ZDHHC21: variants seen among roughly 807,000 people sequenced by gnomAD.
The protein encoded by ZDHHC21 is palmitoyltransferase ZDHHC21.
A neutral mutation model predicts 34.6 loss-of-function variants in ZDHHC21; 15 were observed. That is an observed-to-expected ratio of 0.43 (90% CI 0.29 to 0.67). The LOEUF is 0.67. Ranked by LOEUF, ZDHHC21 falls within the 30% of genes least tolerant of loss-of-function variation. ZDHHC21 has a pLI of 0.14. For missense variants in ZDHHC21, 344 were observed against 327.7 expected (o/e 1.05, Z -0.38); for synonymous variants, 142 against 101.8 (o/e 1.40, Z -2.38).
the ZDHHC21 span, among the ~76,000 whole-genome samples, chr9:14,600,302 G>C: frequency 2.0e-5 from 3 of 152,202 alleles, no homozygotes; most frequent in Non-Finnish European, 4.4e-5. Flanking sequence ...AGCAACTTCA[G>C]CAAAGTCTCA....
rs924447940 is a variant in ZDHHC21 at position 14,613,246 on chromosome 9, C to T, written c.*5720G>A. ...CTGTTCTTAGTAACATTAAATTCTA[C>T]TTTATAAATACACAACGATGTGAGA... On this transcript the variant is annotated 3_prime_UTR_variant, in exon 10 of 10. Coordinates refer to ENST00000380916, the MANE Select transcript of ZDHHC21 (RefSeq NM_178566.6). 2.0e-5 allele frequency: 3 copies of T among 151,822 alleles called. No individual in the cohort carries two copies. Among genetic ancestry groups the T allele is most frequent in the African/African-American group, 7.3e-5 (3 of 41,374 alleles). The allele number at this position is 151,822 out of a possible 1,614,324, so 9.4% of individuals were successfully genotyped here. A position where few individuals can be genotyped will look rare whatever the true frequency, so the allele number is the denominator to read the frequency against.
Position 14,618,831 on chromosome 9 carries a change from G to T in ZDHHC21, c.*135C>A. On this transcript the variant is annotated 3_prime_UTR_variant, in exon 10 of 10. Transcript: ENST00000380916. ...GGATCAAGATCACTATTAAAATAAA[G>T]CCTGGGGCACATTATGATGCCTAAG... is the stretch of plus-strand genomic sequence containing the variant. The T allele has an allele frequency of 3.2e-6, 3 of 937,278 alleles. No homozygotes were observed. The highest frequency in any genetic ancestry group is 4.4e-6 in the Non-Finnish European group (3 of 683,228). The allele number at this position is 937,278 out of a possible 1,614,324, so 58.1% of individuals were successfully genotyped here.
chr9:14,639,008 T>C (rs144023762), intron 8 of ZDHHC21, among the ~76,000 whole-genome samples: 89 of 152,154 alleles, frequency 5.8e-4, no homozygotes, highest in African/African-American at 1.9e-3. Flanking sequence ...ATTGGGTATT[T>C]ATCCAAAGGA....
chr9:14,592,116 T>TC, the ZDHHC21 span, among the ~76,000 whole-genome samples: 47 of 152,176 alleles, frequency 3.1e-4, no homozygotes, highest in African/African-American at 1.1e-3. Context: ...TATATTTTTT[T>TC]CTCTGTTCCT....
chr9:14,680,206 A>C (rs1293753815), intron 2 of ZDHHC21, 44 bp from the exon 3 acceptor site: 2 of 152,444 alleles, frequency 1.3e-5, no homozygotes, highest in African/African-American at 4.8e-5. Context: ...AAAGAAAAAA[A>C]CGATAAGCAA....
intron 2 of ZDHHC21, among the ~76,000 whole-genome samples, chr9:14,687,912 T>C (rs1564411311): frequency 6.6e-6 from 1 of 150,938 alleles, no homozygotes; most frequent in Non-Finnish European, 1.5e-5. Flanking sequence ...TTTAAACTTA[T>C]TAATTACAGC....
chr9:14,667,016 A>G (rs1834563098), intron 5 of ZDHHC21, among the ~76,000 whole-genome samples: 1 of 50,192 alleles, frequency 2.0e-5, no homozygotes. Flanking sequence ...GAACTGAAGG[A>G]AATAGAGACA....
intron 8 of ZDHHC21, among the ~76,000 whole-genome samples, chr9:14,624,864 T>C (rs1211456107): frequency 6.6e-6 from 1 of 152,102 alleles, no homozygotes; most frequent in Non-Finnish European, 1.5e-5. Context: ...ACTGATTTGA[T>C]CATTACATTA....
the ZDHHC21 span, among the ~76,000 whole-genome samples, chr9:14,600,922 T>C: frequency 6.6e-6 from 1 of 152,192 alleles, no homozygotes; most frequent in African/African-American, 2.4e-5. Context: ...TTTTAATAAA[T>C]GGTGTTGGGA....
At chr9:14,590,957 C>T in the ZDHHC21 span, among the ~76,000 whole-genome samples, 7 of 151,894 alleles carry the variant, frequency 4.6e-5, no homozygotes, top group Non-Finnish European at 1.0e-4. Context: ...AAATATACAA[C>T]AATATGCAAT....
At chr9:14,603,831 G>A in the ZDHHC21 span, among the ~76,000 whole-genome samples, 7 of 152,178 alleles carry the variant, frequency 4.6e-5, no homozygotes, top group Non-Finnish European at 1.0e-4. Context: ...TAAGTATTCA[G>A]TAATGTGGTT....
intron 2 of ZDHHC21, among the ~76,000 whole-genome samples, chr9:14,688,873 C>T (rs995187384): frequency 6.6e-6 from 1 of 151,542 alleles, no homozygotes; most frequent in Non-Finnish European, 1.5e-5. Flanking sequence ...AAAACAACAA[C>T]AAAAAACGAA....
chr9:14,671,232 C>T (rs1033322567), intron 5 of ZDHHC21, among the ~76,000 whole-genome samples: 1 of 151,968 alleles, frequency 6.6e-6, no homozygotes, highest in African/African-American at 2.4e-5. Context: ...TAATGCAATG[C>T]TTGGTTTGTT....
intron 7 of ZDHHC21, among the ~76,000 whole-genome samples, chr9:14,640,848 C>G (rs1167062558): frequency 3.3e-5 from 5 of 152,036 alleles, no homozygotes; most frequent in Non-Finnish European, 7.4e-5. Context: ...AAAAGTAAAC[C>G]AAAGACACTG....
chr9:14,589,470 A>G, the ZDHHC21 span: 8 of 152,154 alleles, frequency 5.3e-5, no homozygotes, highest in South Asian at 2.1e-4. Context: ...TAGTAGTTTC[A>G]CTGAATTGAA....
chr9:14,595,916 C>T, the ZDHHC21 span, among the ~76,000 whole-genome samples: 3 of 152,158 alleles, frequency 2.0e-5, no homozygotes, highest in African/African-American at 7.2e-5. Context: ...CTTGAAAAGT[C>T]CCATAATACC....
downstream of ZDHHC21, among the ~76,000 whole-genome samples, chr9:14,607,919 A>T (rs1823068390): frequency 6.6e-6 from 1 of 152,190 alleles, no homozygotes; most frequent in South Asian, 2.1e-4. Context: ...TCAATGACAA[A>T]AATTAGAGCA....
intron 6 of ZDHHC21, among the ~76,000 whole-genome samples, chr9:14,660,967 A>G (rs920046553): frequency 2.6e-5 from 4 of 152,174 alleles, no homozygotes; most frequent in Non-Finnish European, 5.9e-5. Flanking sequence ...CTAAAAATCT[A>G]TTACTATTGT....
At chr9:14,621,233 C>T (rs190984709) in intron 8 of ZDHHC21, among the ~76,000 whole-genome samples, 1 of 152,074 alleles carries the variant, frequency 6.6e-6, no homozygotes, top group African/African-American at 2.4e-5. Flanking sequence ...CCTAAGATCA[C>T]AGATGTGGAC....
Sources: gnomAD v4.1 joint callset for allele counts (sites outside exome capture counted in the v4.1 genomes callset) on GRCh38, gnomAD v4.1.1 for gene constraint, MANE v1.5 for transcripts, NCBI Gene and HGNC (gene_info 2026-07-23, HGNC 2026-07-21) for gene names.